The following LAIR1 variants were observed in gnomAD, a reference collection of about 807,000 sequenced individuals.
LAIR1 encodes the protein leukocyte associated immunoglobulin like receptor 1.
Under a neutral mutation model 32.8 loss-of-function variants are expected in LAIR1, and 24 were observed. That is an observed-to-expected ratio of 0.73 (90% CI 0.53 to 1.03). The LOEUF (loss-of-function observed/expected upper bound fraction) is 1.03, where lower values mean the gene tolerates loss of function less well. Ranked by LOEUF, LAIR1 falls within the 50% of genes least tolerant of loss-of-function variation. LAIR1 has a pLI of 0.00. For synonymous variants in LAIR1, 150 were observed against 140.5 expected, an observed-to-expected ratio of 1.07 and a Z score of -0.48; for missense variants, 355 against 347.5, an observed-to-expected ratio of 1.02 and a Z score of -0.17.
chr19:54,356,000 G>C lies in LAIR1; in HGVS notation c.671C>G (p.Ala224Gly). The C allele has an allele frequency of 6.2e-7, 1 of 1,609,730 alleles. No individual in the cohort carries two copies. The highest frequency in any genetic ancestry group is 2.2e-5 in the East Asian group (1 of 44,870). Residue 224 changes from alanine to glycine, a missense_variant, in exon 9 of 10, where the codon GCC becomes GGC. Physicochemically the swap from Ala to Gly is moderately conservative, Grantham distance 60. Coordinates refer to ENST00000391742, the MANE Select transcript of LAIR1 (RefSeq NM_002287.6). This position sits in a 1 kb window ranked among gnomAD's most constrained non-coding sequence, Gnocchi z 4.7. ...VDVLERTADKATVNGLPEKDR... is the reference protein window; with the variant it reads ...VDVLERTADKGTVNGLPEKDR... ...CTTCTCAGGAAGTCCATTGACTGTG[G>C]CCTTGTCTTGGGGAGAAAATACATG...
At chr19:54,363,009 A>G (rs1421506776) in intron 2 of LAIR1, among the ~76,000 whole-genome samples, 1 of 148,182 alleles carries the variant, frequency 6.7e-6, no homozygotes, top group Admixed American at 6.7e-5. Flanking sequence ...TAAACAGGGG[A>G]AGGGCTCTGA....
chr19:54,361,894 A>G (rs948273416), intron 2 of LAIR1, among the ~76,000 whole-genome samples: 2 of 151,968 alleles, frequency 1.3e-5, no homozygotes, highest in Non-Finnish European at 2.9e-5. Flanking sequence ...AACCCCATTT[A>G]TCTCAACTGG....
In LAIR1 at chr19:54,364,002, T is replaced by C. The variant is rs1252744274; in HGVS notation, c.70+293A>G. 6.6e-6 allele frequency among the ~76,000 whole-genome samples: 1 copy of C among 152,218 alleles called. No individual in the cohort carries two copies. Among genetic ancestry groups the C allele is most frequent in the Non-Finnish European group, 1.5e-5 (1 of 68,034 alleles). On this transcript the variant is annotated intron_variant, in intron 2 of 9. Transcript: ENST00000391742. The surrounding 1 kb of genome is among the most constrained non-coding windows in gnomAD (Gnocchi z 4.8). ...ATATGTTAATCAGCTTTATTTAATCTTTCCACAATGTGTACATACGTCATA... is the reference window on the plus strand; with the variant it reads ...ATATGTTAATCAGCTTTATTTAATCCTTCCACAATGTGTACATACGTCATA...
upstream of LAIR1, among the ~76,000 whole-genome samples, chr19:54,367,331 G>A (rs1323804082): frequency 6.6e-6 from 1 of 152,072 alleles, no homozygotes; most frequent in Non-Finnish European, 1.5e-5. Flanking sequence ...AAAGAGTTCT[G>A]CATGTTACAG....
Position 54,355,229 on chromosome 19 carries a change from C to T in LAIR1, c.*39G>A. 6.6e-7 allele frequency: 1 copy of T among 1,516,964 alleles called. No individual in the cohort carries two copies. 94.0% of individuals were successfully genotyped at this position (1,516,964 alleles called of 1,614,324 possible). ...CTGCTTCAGGCTTTTCCTAGAGTGACTTTCTACCCTCAGGTGCAGAGGCCA... is the reference window on the plus strand; with the variant it reads ...CTGCTTCAGGCTTTTCCTAGAGTGATTTTCTACCCTCAGGTGCAGAGGCCA... On this transcript the variant is annotated 3_prime_UTR_variant, in exon 10 of 10. Coordinates refer to ENST00000391742, the MANE Select transcript of LAIR1 (RefSeq NM_002287.6). The surrounding 1 kb of genome is among the most constrained non-coding windows in gnomAD (Gnocchi z 4.7).
At chr19:54,367,573 C>T (rs1446813248), upstream of LAIR1, among the ~76,000 whole-genome samples, 10 of 151,066 alleles carry the variant, frequency 6.6e-5, no homozygotes, top group East Asian at 6.0e-4. Context: ...GGTGAAACCC[C>T]GTCTCTACTA....
upstream of LAIR1, among the ~76,000 whole-genome samples, chr19:54,367,929 C>G (rs1458248451): frequency 6.7e-6 from 1 of 150,308 alleles, no homozygotes; most frequent in East Asian, 2.0e-4. Context: ...CCCGCCACCA[C>G]GCCCGGCTAA....
At chr19:54,366,776 C>T (rs1359739942), upstream of LAIR1, among the ~76,000 whole-genome samples, 1 of 152,212 alleles carries the variant, frequency 6.6e-6, no homozygotes, top group Non-Finnish European at 1.5e-5. Context: ...GCGTGAACCA[C>T]CAAGCCTGGC....
chr19:54,364,666 A>C lies in LAIR1; in HGVS notation c.34+105T>G. On this transcript the variant is annotated intron_variant, in intron 1 of 9. Coordinates refer to ENST00000391742, the MANE Select transcript of LAIR1 (RefSeq NM_002287.6). This position sits in a 1 kb window ranked among gnomAD's most constrained non-coding sequence, Gnocchi z 4.8. Reference sequence around the variant, plus strand: ...GCAGGGCAGTCTTGGGAGGAGGAGGACACTTTCCTCCCCAGAATCTTCTGG... The same window carrying C: ...GCAGGGCAGTCTTGGGAGGAGGAGGCCACTTTCCTCCCCAGAATCTTCTGG... The C allele has an allele frequency of 9.9e-7, 1 of 1,013,280 alleles. No homozygotes were observed. Among genetic ancestry groups the C allele is most frequent in the Non-Finnish European group, 1.6e-6 (1 of 639,346 alleles). The allele number at this position is 1,013,280 out of a possible 1,614,324, so 62.8% of individuals were successfully genotyped here.
At chr19:54,362,162 G>A (rs533358963) in intron 2 of LAIR1, among the ~76,000 whole-genome samples, 4 of 152,186 alleles carry the variant, frequency 2.6e-5, no homozygotes, top group African/African-American at 7.2e-5. Flanking sequence ...GTTAATTGTT[G>A]TGGTGAGAAC....
intron 4 of LAIR1, chr19:54,358,411 T>C (rs2081843671): frequency 5.7e-6 from 1 of 176,430 alleles, no homozygotes; most frequent in African/African-American, 4.5e-5. Flanking sequence ...TATATATATA[T>C]TATGATGTAA....
At position 54,364,914 on chromosome 19, in the gene LAIR1, G is replaced by T; in HGVS notation, c.-110C>A. 1 of 1,600,280 alleles carries T rather than the reference G, an allele frequency of 6.2e-7. No individual in the cohort carries two copies. ...TGCTGCCCGGGGGCCTCCTGCCTAT[G>T]GGGCTTCCACAGCAACTGCCTCACA... On this transcript the variant is annotated 5_prime_UTR_variant, in exon 1 of 10. Coordinates refer to ENST00000391742, the MANE Select transcript of LAIR1 (RefSeq NM_002287.6). This position sits in a 1 kb window ranked among gnomAD's most constrained non-coding sequence, Gnocchi z 4.8.
Position 54,351,398 on chromosome 19 carries a change from T to C in LAIR1, c.*3870A>G, listed in dbSNP as rs907710839. The C allele has an allele frequency of 6.6e-6, 1 of 152,230 alleles. No individual in the cohort carries two copies. 9.4% of individuals were successfully genotyped at this position (152,230 alleles called of 1,614,324 possible). On this transcript the variant is annotated 3_prime_UTR_variant, in exon 10 of 10. Transcript: ENST00000391742. Reference sequence around the variant, plus strand: ...ATATAGTCACCTTTTATCAAAAAGATATTTTATTTGTCTAAATGGAAGATA... The same window carrying C: ...ATATAGTCACCTTTTATCAAAAAGACATTTTATTTGTCTAAATGGAAGATA...
chr19:54,363,013 G>T (rs1419592110), intron 2 of LAIR1, among the ~76,000 whole-genome samples: 1 of 143,964 alleles, frequency 6.9e-6, no homozygotes, highest in African/African-American at 2.7e-5. Flanking sequence ...CAGGGGAAGG[G>T]CTCTGAGAAA....
chr19:54,365,646 G>T (rs1242142224), upstream of LAIR1, among the ~76,000 whole-genome samples: 1 of 152,052 alleles, frequency 6.6e-6, no homozygotes, highest in African/African-American at 2.4e-5. Flanking sequence ...CAAAAAATTA[G>T]CTGGGTGTGG....
chr19:54,363,660 A>G (rs1186712045), intron 2 of LAIR1, among the ~76,000 whole-genome samples: 1 of 152,218 alleles, frequency 6.6e-6, no homozygotes, highest in Admixed American at 6.5e-5. Context: ...ACATGGATGA[A>G]CCAGAGGACG....
upstream of LAIR1, among the ~76,000 whole-genome samples, chr19:54,371,901 A>T (rs992279925): frequency 2.0e-5 from 3 of 151,612 alleles, no homozygotes; most frequent in African/African-American, 7.3e-5. Context: ...CAGACAGTGG[A>T]TACGCCATTT....
At chr19:54,365,696 C>T (rs912095740), upstream of LAIR1, among the ~76,000 whole-genome samples, 19 of 151,732 alleles carry the variant, frequency 1.3e-4, no homozygotes, top group African/African-American at 4.4e-4. Flanking sequence ...GCAGGAGAAT[C>T]GCTTGAACCC....
chr19:54,356,534 G>A lies in LAIR1; in HGVS notation c.540C>T (p.Leu180=). The A allele has an allele frequency of 1.2e-6, 2 of 1,613,874 alleles. No homozygotes were observed. Among genetic ancestry groups the A allele is most frequent in the Non-Finnish European group, 1.7e-6 (2 of 1,179,934 alleles). ...GGCGATGGAGGCAGAAGAGGACCAGGAGGAGGAGACAGAAGAGGAAGACCA... is the reference window on the plus strand; with the variant it reads ...GGCGATGGAGGCAGAAGAGGACCAGAAGGAGGAGACAGAAGAGGAAGACCA... The part of the protein sequence containing the change: ...VSVVFLFCLL[L]LVLFCLHRQN... Residue 180 remains leucine, a synonymous_variant, in exon 6 of 10, where the codon CTC becomes CTT. Coordinates refer to ENST00000391742, the MANE Select transcript of LAIR1 (RefSeq NM_002287.6).
Sources: gnomAD v4.1 joint callset for allele counts (sites outside exome capture counted in the v4.1 genomes callset) on GRCh38, gnomAD v4.1.1 for gene constraint, Gnocchi (gnomAD v3.1) non-coding constraint, MANE v1.5 for transcripts, NCBI Gene and HGNC (gene_info 2026-07-23, HGNC 2026-07-21) for gene names.